DST: variants seen among roughly 807,000 people sequenced by gnomAD.
DST encodes the protein bullous pemphigoid antigen.
A neutral mutation model predicts 875.2 loss-of-function variants in DST; 253 were observed. The ratio of observed to expected loss-of-function variants is 0.29; its 90% CI spans 0.26 to 0.32. DST has a LOEUF of 0.32. Ranked by LOEUF, DST falls within the 10% of genes least tolerant of loss-of-function variation. The pLI is 1.00. For missense variants in DST, 8,287 were observed against 9,111.6 expected, an observed-to-expected ratio of 0.91 and a Z score of 3.68; for synonymous variants, 3,124 against 3,197.1, an observed-to-expected ratio of 0.98 and a Z score of 0.77.
chr6:56,619,215 T>C (rs1327482484), intron 36 of DST: 4 of 1,614,032 alleles, frequency 2.5e-6, no homozygotes, highest in Middle Eastern at 1.6e-4. Context: ...CTTTGCTGGA[T>C]AGTTTGTTTC....
At chr6:56,883,058 G>A (rs1782974718) in intron 3 of DST, among the ~76,000 whole-genome samples, 2 of 152,096 alleles carry the variant, frequency 1.3e-5, no homozygotes, top group African/African-American at 4.8e-5. Flanking sequence ...AGTAGAGATG[G>A]GGTTTCACCA....
chr6:56,860,756 A>G lies in DST; in HGVS notation c.418-9152T>C, dbSNP rs182131885. Among the ~76,000 whole-genome samples, 450 of 152,320 alleles carry G rather than the reference A, an allele frequency of 3.0e-3. 13 individuals are homozygous for G. The highest frequency in any genetic ancestry group is 0.014 in the South Asian group (66 of 4,828). The stretch of plus-strand genomic sequence containing the variant: ...TATAATTGTCACTTCAGGAAATATG[A>G]AACAACAGAGACACAGAAACTAGAA... On this transcript the variant is annotated intron_variant, in intron 3 of 103. Coordinates refer to ENST00000680361, the MANE Select transcript of DST (RefSeq NM_001374736.1).
chr6:56,934,465 G>A (rs1024414515), intron 2 of DST, among the ~76,000 whole-genome samples: 8 of 149,896 alleles, frequency 5.3e-5, no homozygotes, highest in African/African-American at 1.5e-4. Context: ...CTGGAAATGC[G>A]TTAGCTCAAG....
chr6:56,752,557 T>G (rs2099590590), intron 4 of DST, among the ~76,000 whole-genome samples: 1 of 152,200 alleles, frequency 6.6e-6, no homozygotes. Flanking sequence ...TGTTCTATGT[T>G]TCACATAAAT....
At chr6:56,632,792 G>T in intron 28 of DST, 62 bp downstream of exon 28, 1 of 1,415,742 alleles carries the variant, frequency 7.1e-7, no homozygotes, top group Non-Finnish European at 9.9e-7. Flanking sequence ...CCCATTGAGA[G>T]CAAAAAATAG....
At chr6:56,783,151 G>C (rs1043072010) in intron 4 of DST, among the ~76,000 whole-genome samples, 1 of 152,092 alleles carries the variant, frequency 6.6e-6, no homozygotes, top group Non-Finnish European at 1.5e-5. Context: ...CAACTATGTG[G>C]TCAGTTTTGG....
chr6:56,506,793 G>A lies in DST; in HGVS notation c.19240-4C>T. 1 of 1,603,702 alleles carries A rather than the reference G, an allele frequency of 6.2e-7. No individual in the cohort carries two copies. Among genetic ancestry groups the A allele is most frequent in the Non-Finnish European group, 8.5e-7 (1 of 1,176,330 alleles). ...CATCTATTTCTTCCCTTATGGTCTA[G>A]AATAAGAAAATGACAGCCTTAGAAT... On this transcript the variant is annotated splice_polypyrimidine_tract_variant and splice_region_variant and intron_variant, in intron 75 of 103. Transcript: ENST00000680361.
intron 9 of DST, among the ~76,000 whole-genome samples, chr6:56,695,808 A>T (rs1305360496): frequency 2.6e-5 from 4 of 152,256 alleles, no homozygotes; most frequent in African/African-American, 9.6e-5. Context: ...TGCTATAACA[A>T]ATATTGTTAA....
intron 72 of DST, among the ~76,000 whole-genome samples, 190 bp from the exon 73 acceptor site, chr6:56,511,590 C>T (rs1337911551): frequency 1.3e-5 from 2 of 152,136 alleles, no homozygotes; most frequent in East Asian, 1.9e-4. Flanking sequence ...GATTAAACAA[C>T]AGTCTGGTCA....
chr6:56,543,002 C>A (rs1375094697), intron 61 of DST, among the ~76,000 whole-genome samples: 1 of 152,238 alleles, frequency 6.6e-6, no homozygotes, highest in Non-Finnish European at 1.5e-5. Context: ...GCAAAGCAGG[C>A]CGAGTCCGGC....
chr6:56,506,499 T>C lies in DST; in HGVS notation c.19408A>G (p.Ile6470Val). The C allele has an allele frequency of 1.9e-6, 3 of 1,613,282 alleles. No individual in the cohort carries two copies. The highest frequency in any genetic ancestry group is 2.5e-6 in the Non-Finnish European group (3 of 1,179,546). The change falls in exon 77 of 104, where the codon ATT becomes GTT. Residue 6470 changes from isoleucine (I) to valine (V), a missense_variant. By Grantham distance (29) the Ile-to-Val change is conservative. This residue lies in a region of DST where 1,292 missense variants were observed against 1,552.7 expected (regional missense o/e 0.83). Coordinates refer to ENST00000680361, the MANE Select transcript of DST (RefSeq NM_001374736.1). ...TGCATTGCCTCCTCAAGTTTGTCAA[T>C]CCGGTCTTTCCAAGCTTTATTTAGA... Reference protein sequence around the residue: ...DSLNKAWKDRIDKLEEAMQAA... With the variant: ...DSLNKAWKDRVDKLEEAMQAA...
chr6:56,583,403 A>C (rs1251791204), intron 49 of DST, among the ~76,000 whole-genome samples: 1 of 152,168 alleles, frequency 6.6e-6, no homozygotes, highest in East Asian at 1.9e-4. Flanking sequence ...TCTTTTGAGA[A>C]GTGTCTGTTC....
intron 4 of DST, among the ~76,000 whole-genome samples, chr6:56,780,423 T>C (rs2099690724): frequency 6.6e-6 from 1 of 151,498 alleles, no homozygotes; most frequent in Non-Finnish European, 1.5e-5. Context: ...CCATTCTAAC[T>C]GGTGTGAGAT....
At chr6:56,738,138 C>A (rs2099532767) in intron 4 of DST, among the ~76,000 whole-genome samples, 1 of 152,028 alleles carries the variant, frequency 6.6e-6, no homozygotes, top group Admixed American at 6.6e-5. Flanking sequence ...CATTTCCTAT[C>A]ACTGTCAGGG....
chr6:56,836,463 A>G (rs1006137259), intron 4 of DST, among the ~76,000 whole-genome samples: 3 of 152,204 alleles, frequency 2.0e-5, no homozygotes, highest in Non-Finnish European at 4.4e-5. Flanking sequence ...CTCAAATTGT[A>G]GGGTAGCCGA....
intron 5 of DST, among the ~76,000 whole-genome samples, chr6:56,733,135 C>T (rs2099508875): frequency 6.6e-6 from 1 of 152,058 alleles, no homozygotes; most frequent in Admixed American, 6.6e-5. Flanking sequence ...CCCAAATCAA[C>T]CTTTAAAAAT....
rs979226530 is a variant in DST, at chr6:56,609,060, C to T, written c.5568G>A (p.Leu1856=). 6.2e-7 allele frequency: 1 copy of T among 1,613,694 alleles called. No individual in the cohort carries two copies. The highest frequency in any genetic ancestry group is 8.5e-7 in the Non-Finnish European group (1 of 1,179,804). The change falls in exon 40 of 104, where the codon CTG becomes CTA. Residue 1856 remains leucine (L), a synonymous_variant. Transcript: ENST00000680361. ...SAASPTTIPV[L]DALAQSMITE... ...TTATCATGCTTTGAGCTAGAGCATC[C>T]AGTACTGGAATTGTGGTAGGTGACG... is the stretch of plus-strand genomic sequence containing the variant.
intron 2 of DST, among the ~76,000 whole-genome samples, chr6:56,943,380 T>TA (rs35607710): frequency 0.13 from 18,954 of 143,244 alleles, 1,361 homozygotes; most frequent in Middle Eastern, 0.21. Context: ...TCCTTTAAAT[T>TA]AAAAAAAAAA....
intron 4 of DST, among the ~76,000 whole-genome samples, chr6:56,751,733 T>C (rs1346495307): frequency 6.6e-6 from 1 of 152,176 alleles, no homozygotes; most frequent in Non-Finnish European, 1.5e-5. Flanking sequence ...ACTACGAAAT[T>C]AAACTTAGAA....
Sources: allele counts gnomAD v4.1 joint callset (sites outside exome capture counted in the v4.1 genomes callset), GRCh38; gene constraint gnomAD v4.1.1; regional missense constraint gnomAD v4.1.1; transcripts MANE v1.5; gene names NCBI Gene and HGNC (gene_info 2026-07-23, HGNC 2026-07-21).